The following PCDH11X variants were observed in gnomAD, a reference collection of about 807,000 sequenced individuals.
The protein encoded by PCDH11X is protocadherin-11 X-linked.
A neutral mutation model predicts 53.3 loss-of-function variants in PCDH11X; 18 were observed. That is an observed-to-expected ratio of 0.34 (90% confidence interval 0.23 to 0.50). PCDH11X has a LOEUF of 0.50. Ranked by LOEUF, PCDH11X falls within the 20% of genes least tolerant of loss-of-function variation. The pLI, the probability that PCDH11X is intolerant of heterozygous loss-of-function variation, is 0.98. For synonymous variants in PCDH11X, 279 were observed against 393.3 expected, an observed-to-expected ratio of 0.71 and a Z score of 3.44; for missense variants, 570 against 1,032.4, an observed-to-expected ratio of 0.55 and a Z score of 6.14.
rs1488583583 is a variant in PCDH11X, at chrX:92,254,979, C to A, written c.3115-8135C>A. The stretch of plus-strand genomic sequence containing the variant: ...GTTCTCTGTATTTCCTGAATCTGAA[C>A]GTTGGCCTGCCTTGCTAGATTGGGG... On this transcript the variant is annotated intron_variant, in intron 7 of 10. Transcript: ENST00000682573. Among the ~76,000 whole-genome samples, 5 of 89,657 alleles carry A rather than the reference C, an allele frequency of 5.6e-5. No individual in the cohort carries two copies. In the South Asian group the frequency reaches 3.2e-3, roughly 57 times the overall value. The allele number at this position is 89,657 out of a possible 115,157, so 77.9% of individuals were successfully genotyped here. A position where few individuals can be genotyped will look rare whatever the true frequency, so the allele number is the denominator to read the frequency against.
At chrX:92,501,737 A>G (rs1302697404) in intron 10 of PCDH11X, among the ~76,000 whole-genome samples, 1 of 111,512 alleles carries the variant, frequency 9.0e-6, no homozygotes, top group Admixed American at 9.6e-5. Flanking sequence ...AATAAGAACC[A>G]TATATGACAA....
intron 10 of PCDH11X, among the ~76,000 whole-genome samples, chrX:92,515,098 G>A (rs1296643663): frequency 9.8e-6 from 1 of 101,961 alleles, no homozygotes; most frequent in African/African-American, 3.6e-5. Flanking sequence ...CTTCAAAACC[G>A]ACTCTAACTC....
At chrX:92,132,701 A>G (rs1382797726) in intron 6 of PCDH11X, among the ~76,000 whole-genome samples, 30 of 96,402 alleles carry the variant, frequency 3.1e-4, no homozygotes, top group Admixed American at 7.3e-4. Flanking sequence ...ATATATATAT[A>G]TATATGTATA....
At chrX:92,584,789 C>CTTTTTTTTTTTTTTTTTTT (rs1171667582) in intron 10 of PCDH11X, among the ~76,000 whole-genome samples, 1 of 65,113 alleles carries the variant, frequency 1.5e-5, no homozygotes, top group Non-Finnish European at 2.6e-5. Context: ...TCTTTTTTTC[C>CTTTTTTTTTTTTTTTTTTT]TTTTTTTTTT....
intron 6 of PCDH11X, among the ~76,000 whole-genome samples, chrX:92,085,925 T>C (rs1262744736): frequency 1.8e-5 from 2 of 111,861 alleles, no homozygotes; most frequent in Non-Finnish European, 3.8e-5. Context: ...GCCATAAGTA[T>C]ATAATACATA....
intron 6 of PCDH11X, among the ~76,000 whole-genome samples, chrX:92,180,457 G>A (rs1002948579): frequency 9.0e-6 from 1 of 110,989 alleles, no homozygotes; most frequent in African/African-American, 3.3e-5. Flanking sequence ...TAGTGCCCCA[G>A]GATGCAATCC....
chrX:92,364,322 C>A (rs1464958260), intron 8 of PCDH11X, among the ~76,000 whole-genome samples: 1 of 112,007 alleles, frequency 8.9e-6, no homozygotes, highest in East Asian at 2.8e-4. Flanking sequence ...TCCTAGGCTA[C>A]AAACCTGTAC....
At chrX:92,100,290 A>G (rs1035652606) in intron 6 of PCDH11X, among the ~76,000 whole-genome samples, 1 of 111,516 alleles carries the variant, frequency 9.0e-6, no homozygotes, top group African/African-American at 3.3e-5. Flanking sequence ...TGTGAGCAAC[A>G]TGGCTGTTTA....
chrX:91,989,284 C>T (rs2062278354), intron 6 of PCDH11X, among the ~76,000 whole-genome samples: 2 of 111,189 alleles, frequency 1.8e-5, no homozygotes, highest in African/African-American at 6.5e-5. Context: ...AAAAGAAGGC[C>T]GGGCGCGGTG....
At chrX:91,917,106 C>A (rs1325051431) in intron 6 of PCDH11X, among the ~76,000 whole-genome samples, 6 of 111,098 alleles carry the variant, frequency 5.4e-5, no homozygotes, top group African/African-American at 2.0e-4. Flanking sequence ...TGACAAAATC[C>A]AGCATCCGCT....
In PCDH11X at chrX:91,875,877, G is replaced by T. The variant is rs770849738; in HGVS notation, c.541-904G>T. On this transcript the variant is annotated intron_variant, in intron 5 of 10. Transcript: ENST00000682573. ...TGTATTTTTTTTCCATCTGCTAAAG[G>T]TTTTAGCTGTATTTATTAGATATGA... Among the ~76,000 whole-genome samples, 193 of 109,534 alleles carry T rather than the reference G, an allele frequency of 1.8e-3. 2 individuals are homozygous for T. The highest frequency in any genetic ancestry group is 4.7e-3 in the Middle Eastern group (1 of 212).
At chrX:92,026,019 G>A (rs1253408881) in intron 6 of PCDH11X, among the ~76,000 whole-genome samples, 4 of 110,771 alleles carry the variant, frequency 3.6e-5, no homozygotes, top group Non-Finnish European at 7.6e-5. Context: ...ACACATAGAG[G>A]GGAACAAGAG....
At chrX:92,325,395 A>T (rs1415771359) in intron 8 of PCDH11X, among the ~76,000 whole-genome samples, 1 of 111,179 alleles carries the variant, frequency 9.0e-6, no homozygotes, top group East Asian at 2.9e-4. Context: ...AAGTATTATA[A>T]CTTTAAGTGA....
Position 92,354,692 on chromosome X carries a change from AT to A in PCDH11X, c.3145-33034del, listed in dbSNP as rs34462764. On this transcript the variant is annotated intron_variant, in intron 8 of 10. Coordinates refer to ENST00000682573, the MANE Select transcript of PCDH11X (RefSeq NM_032968.5). ...CTATAAATGAAGAATTCAATGTAGGATTTTTTTTTCATCACTAAGGCAAGTG... is the reference window on the plus strand; with the variant it reads ...CTATAAATGAAGAATTCAATGTAGGATTTTTTTTCATCACTAAGGCAAGTG... Among the ~76,000 whole-genome samples, 5 of 110,895 alleles carry A rather than the reference AT, an allele frequency of 4.5e-5. No individual in the cohort carries two copies. The East Asian group carries it at 8.6e-4, about 19-fold the overall frequency.
At chrX:91,780,255 G>A (rs749169819) in intron 1 of PCDH11X, among the ~76,000 whole-genome samples, 95 of 111,636 alleles carry the variant, frequency 8.5e-4, no homozygotes, top group Non-Finnish European at 1.4e-3. Flanking sequence ...AGGAGAGCCA[G>A]GAGAGCCAGG....
intron 8 of PCDH11X, among the ~76,000 whole-genome samples, chrX:92,317,585 A>G (rs1464814320): frequency 9.0e-6 from 1 of 111,510 alleles, no homozygotes; most frequent in East Asian, 2.8e-4. Context: ...ATGATTGGGT[A>G]CAAATGTGGG....
chrX:92,612,044 T>A, intron 10 of PCDH11X, among the ~76,000 whole-genome samples: 1 of 109,096 alleles, frequency 9.2e-6, no homozygotes, highest in Admixed American at 9.9e-5. Context: ...TATTGGCCTA[T>A]AATTTTCATT....
chrX:92,607,587 G>A (rs1159856312), intron 10 of PCDH11X, among the ~76,000 whole-genome samples: 1 of 111,665 alleles, frequency 9.0e-6, no homozygotes, highest in Non-Finnish European at 1.9e-5. Context: ...AATTTCTCAT[G>A]TTAAATGGGT....
chrX:92,469,969 G>A (rs2073229475), intron 10 of PCDH11X, among the ~76,000 whole-genome samples: 1 of 107,286 alleles, frequency 9.3e-6, no homozygotes, highest in Non-Finnish European at 1.9e-5. Context: ...ACAGGGGTTT[G>A]CATTGAATCT....
Sources: gnomAD v4.1 joint callset for allele counts (sites outside exome capture counted in the v4.1 genomes callset) on GRCh38, gnomAD v4.1.1 for gene constraint, MANE v1.5 for transcripts, NCBI Gene and HGNC (gene_info 2026-07-23, HGNC 2026-07-21) for gene names.